Variants in GRIP1 observed in about 807,000 individuals in gnomAD.
The protein encoded by GRIP1 is glutamate receptor interacting protein 1, also known as glutamate receptor-interacting protein 1.
Under a neutral mutation model 129.9 loss-of-function variants are expected in GRIP1, and 45 were observed. The ratio of observed to expected loss-of-function variants is 0.35; its 90% CI spans 0.27 to 0.44. GRIP1 has a LOEUF of 0.44. GRIP1 is among the 20% of genes least tolerant of loss of function. The pLI, the probability that GRIP1 is intolerant of heterozygous loss-of-function variation, is 1.00. For missense variants in GRIP1, 1,196 were observed against 1,396.8 expected (o/e 0.86, Z 2.29); for synonymous variants, 530 against 520.8 (o/e 1.02, Z -0.24).
chr12:67,062,317 C>T (rs1219858345), intron 1 of GRIP1, among the ~76,000 whole-genome samples: 1 of 152,188 alleles, frequency 6.6e-6, no homozygotes, highest in African/African-American at 2.4e-5. Context: ...ATTCTATGCT[C>T]ATAAGTATGT....
chr12:66,818,500 T>C (rs1171291828), intron 1 of GRIP1, among the ~76,000 whole-genome samples: 1 of 152,206 alleles, frequency 6.6e-6, no homozygotes, highest in Non-Finnish European at 1.5e-5. Flanking sequence ...TGTTCATTCT[T>C]TCAATAAAAA....
intron 1 of GRIP1, among the ~76,000 whole-genome samples, chr12:66,693,783 T>C (rs190302738): frequency 2.0e-5 from 3 of 152,306 alleles, no homozygotes; most frequent in East Asian, 3.9e-4. Flanking sequence ...TAGATCACTA[T>C]TGTATCAAGG....
intron 2 of GRIP1, among the ~76,000 whole-genome samples, chr12:66,592,831 T>C (rs1327237569): frequency 6.6e-6 from 1 of 152,202 alleles, no homozygotes; most frequent in Non-Finnish European, 1.5e-5. Context: ...GTGGTCAAAC[T>C]TCATTTCACC....
chr12:66,991,525 T>C (rs2042394399), intron 1 of GRIP1, among the ~76,000 whole-genome samples: 1 of 152,180 alleles, frequency 6.6e-6, no homozygotes, highest in Non-Finnish European at 1.5e-5. Context: ...AAATACAGAA[T>C]AATCAAAATA....
At chr12:66,824,526 T>C (rs2039375452) in intron 1 of GRIP1, among the ~76,000 whole-genome samples, 1 of 152,044 alleles carries the variant, frequency 6.6e-6, no homozygotes, top group Non-Finnish European at 1.5e-5. Flanking sequence ...AAACACCACC[T>C]CCCTCCCCAC....
intron 5 of GRIP1, among the ~76,000 whole-genome samples, chr12:66,524,097 C>G (rs1405026057): frequency 6.6e-6 from 1 of 152,192 alleles, no homozygotes; most frequent in East Asian, 1.9e-4. Flanking sequence ...TAACACCCCA[C>G]TGTCAACATT....
At chr12:66,872,903 T>C (rs902771622) in intron 1 of GRIP1, among the ~76,000 whole-genome samples, 2 of 152,072 alleles carry the variant, frequency 1.3e-5, no homozygotes, top group African/African-American at 4.8e-5. Flanking sequence ...ACAGAGGACA[T>C]ATGTTCTTTC....
At chr12:66,514,960 G>C (rs1374614018) in intron 7 of GRIP1, among the ~76,000 whole-genome samples, 1 of 151,962 alleles carries the variant, frequency 6.6e-6, no homozygotes, top group African/African-American at 2.4e-5. Flanking sequence ...TAATTTTTCT[G>C]CCTTAGTCAA....
At position 66,944,335 on chromosome 12, in the gene GRIP1, T is replaced by C. The variant is rs141950200; in HGVS notation, c.58+124715A>G. Among the ~76,000 whole-genome samples the C allele has an allele frequency of 4.8e-3, 737 of 152,312 alleles. 9 individuals carry two copies. Among genetic ancestry groups the C allele is most frequent in the African/African-American group, 0.017 (695 of 41,560 alleles). On this transcript the variant is annotated intron_variant, in intron 1 of 1. Coordinates refer to the GRIP1 transcript ENST00000643019. ...TAGAGCGTGACTGATAGCCTGATCC[T>C]GAGGCTGCTACAAAAAGTCTATCTT...
In GRIP1 at chr12:66,739,737, CTAAAA is replaced by C. The variant is rs200164328; in HGVS notation, c.-420+64311_-420+64315del. Among the ~76,000 whole-genome samples the C allele has an allele frequency of 5.9e-3, 886 of 149,728 alleles. 10 individuals are homozygous for C. The highest frequency in any genetic ancestry group is 0.021 in the African/African-American group (847 of 40,876). On this transcript the variant is annotated intron_variant, in intron 1 of 4. Transcript: ENST00000538373. ...ACATCCTGCACATGTATCCCAGAAC[CTAAAA>C]TAAAATAAAAAAAAAAAAACCAGTC... is the stretch of plus-strand genomic sequence containing the variant.
chr12:66,447,684 A>G (rs2058671591), intron 11 of GRIP1, among the ~76,000 whole-genome samples: 1 of 149,916 alleles, frequency 6.7e-6, no homozygotes, highest in East Asian at 2.0e-4. Flanking sequence ...ACCCCCCATG[A>G]TTTTGTGCCA....
At chr12:66,946,787 G>T (rs1486128926) in intron 1 of GRIP1, among the ~76,000 whole-genome samples, 3 of 67,174 alleles carry the variant, frequency 4.5e-5, no homozygotes, top group Non-Finnish European at 9.0e-5. Context: ...GTGGGGGATG[G>T]GGGGGGTGTG....
In GRIP1 at chr12:66,723,296, CTTTCTTTCTTTTTTTTTTTT is replaced by C. The variant is rs1592778712; in HGVS notation, c.-420+80737_-420+80756del. Among the ~76,000 whole-genome samples the C allele has an allele frequency of 3.2e-4, 7 of 22,078 alleles. No individual in the cohort carries two copies. In the East Asian group the frequency reaches 6.3e-3, roughly 20 times the overall value. The allele number at this position is 22,078 out of a possible 152,430, so 14.5% of individuals were successfully genotyped here. A position where few individuals can be genotyped will look rare whatever the true frequency, so the allele number is the denominator to read the frequency against. The stretch of plus-strand genomic sequence containing the variant: ...CCTTCCTTCCTTCCTTTCTTTCTTT[CTTTCTTTCTTTTTTTTTTTT>C]TTTTTTTTTTTTTTGAGACAGAGTC... On this transcript the variant is annotated intron_variant, in intron 1 of 4. Transcript: ENST00000538373.
intron 2 of GRIP1, among the ~76,000 whole-genome samples, chr12:66,542,657 C>T (rs2061821822): frequency 6.6e-6 from 1 of 152,168 alleles, no homozygotes; most frequent in African/African-American, 2.4e-5. Flanking sequence ...GAACTCAACT[C>T]TTTTGATTTT....
At chr12:66,517,650 C>T (rs1459750603) in intron 6 of GRIP1, among the ~76,000 whole-genome samples, 1 of 152,202 alleles carries the variant, frequency 6.6e-6, no homozygotes, top group East Asian at 1.9e-4. Context: ...GTATTATTAC[C>T]TACATTTCCA....
chr12:66,584,529 C>T (rs1023503454), intron 2 of GRIP1, among the ~76,000 whole-genome samples: 33 of 152,140 alleles, frequency 2.2e-4, no homozygotes, highest in African/African-American at 5.1e-4. Flanking sequence ...GCTGAGGTCA[C>T]GCCATTGCAT....
rs567966253 is a variant in GRIP1, at chr12:66,825,644, G to A, written c.59-228717C>T. 1.6e-4 allele frequency among the ~76,000 whole-genome samples: 25 copies of A among 152,254 alleles called. No homozygotes were observed. The South Asian group carries it at 5.2e-3, about 32-fold the overall frequency. On this transcript the variant is annotated intron_variant, in intron 1 of 1. Coordinates refer to the GRIP1 transcript ENST00000643019. ...TAGCTGCTTCCAGGATTAAATGAAT[G>A]TACAGTGCCTGGCAAGTAATCAGCA...
intron 1 of GRIP1, among the ~76,000 whole-genome samples, chr12:66,737,113 C>T (rs1057320099): frequency 2.0e-5 from 3 of 152,122 alleles, no homozygotes; most frequent in African/African-American, 4.8e-5. Context: ...AAACAAGGGT[C>T]AGTTTCCTTC....
intron 1 of GRIP1, among the ~76,000 whole-genome samples, chr12:66,612,698 A>G (rs1189310895): frequency 6.6e-6 from 1 of 152,110 alleles, no homozygotes; most frequent in African/African-American, 2.4e-5. Context: ...AAAAGGTACA[A>G]ATATGACACT....
Sources: gnomAD v4.1 joint callset for allele counts (sites outside exome capture counted in the v4.1 genomes callset) on GRCh38, gnomAD v4.1.1 for gene constraint, MANE v1.5 for transcripts, NCBI Gene and HGNC (gene_info 2026-07-23, HGNC 2026-07-21) for gene names.